The following ZNF429 variants were observed in gnomAD, a reference collection of about 807,000 sequenced individuals.
ZNF429 encodes zinc finger protein 429.
A neutral mutation model predicts 56.8 loss-of-function variants in ZNF429; 53 were observed. The observed-to-expected ratio is 0.93, with a 90% confidence interval of 0.75 to 1.17. The LOEUF is 1.17. Ranked by LOEUF, ZNF429 falls within the 50% of genes most tolerant of loss-of-function variation. The pLI, the probability that ZNF429 is intolerant of heterozygous loss-of-function variation, is 0.00. For synonymous variants in ZNF429, 278 were observed against 264.7 expected (o/e 1.05, Z -0.49); for missense variants, 849 against 788.4 (o/e 1.08, Z -0.92).
At chr19:21,529,563 C>T in intron 1 of ZNF429, 95 bp from the exon 2 acceptor site, 1 of 1,282,584 alleles carries the variant, frequency 7.8e-7, no homozygotes, top group Non-Finnish European at 1.0e-6. Flanking sequence ...TCTCTCATTT[C>T]ACCTTGAATT....
At chr19:21,519,881 T>TC (rs2032925293) in intron 1 of ZNF429, among the ~76,000 whole-genome samples, 1 of 151,436 alleles carries the variant, frequency 6.6e-6, no homozygotes, top group Non-Finnish European at 1.5e-5. Context: ...TTTTTTTTTT[T>TC]GAGACAGTTT....
At chr19:21,507,735 G>A (rs533899989) in intron 1 of ZNF429, 1 of 153,438 alleles carries the variant, frequency 6.5e-6, no homozygotes, top group Admixed American at 6.5e-5. Context: ...CCTGTGGTAT[G>A]GAGTGTAGCC....
In ZNF429 at chr19:21,538,791, CAG is replaced by C. The variant is rs1264825685; in HGVS notation, c.*718_*719del. The stretch of plus-strand genomic sequence containing the variant: ...TTAAAATCTGTTCACATCTTAACAA[CAG>C]AGAGTTGATACTTAATAAGAGCATT... On this transcript the variant is annotated 3_prime_UTR_variant, in exon 4 of 4. Coordinates refer to ENST00000358491, the MANE Select transcript of ZNF429 (RefSeq NM_001001415.4). The C allele has an allele frequency of 1.1e-4, 17 of 152,278 alleles. No homozygotes were observed. The highest frequency in any genetic ancestry group is 3.6e-4 in the African/African-American group (15 of 41,562). 9.4% of individuals were successfully genotyped at this position (152,278 alleles called of 1,614,324 possible). A position where few individuals can be genotyped will look rare whatever the true frequency, so the allele number is the denominator to read the frequency against.
chr19:21,524,059 A>G (rs1223750971), intron 1 of ZNF429, among the ~76,000 whole-genome samples: 9 of 152,198 alleles, frequency 5.9e-5, no homozygotes, highest in African/African-American at 2.2e-4. Context: ...ACATCTTTTG[A>G]GAGTGTGGCT....
intron 3 of ZNF429, among the ~76,000 whole-genome samples, chr19:21,531,115 AAAAAAAAAAAAAAACC>A: frequency 0.16 from 18,651 of 118,468 alleles, 1,636 homozygotes; most frequent in African/African-American, 0.18. Context: ...TCAAAAAAAA[AAAAAAAAAAAAAAACC>A]AAAAAAAAAA....
chr19:21,510,383 A>G (rs2032392865), intron 1 of ZNF429, among the ~76,000 whole-genome samples: 1 of 152,100 alleles, frequency 6.6e-6, no homozygotes, highest in African/African-American at 2.4e-5. Flanking sequence ...CTGATATGGA[A>G]GTACAGGAAA....
chr19:21,509,707 G>C (rs1467730206), intron 1 of ZNF429, among the ~76,000 whole-genome samples: 3 of 152,186 alleles, frequency 2.0e-5, no homozygotes, highest in African/African-American at 7.2e-5. Flanking sequence ...AGGTGGAAGG[G>C]AACTGGGAGG....
chr19:21,517,037 T>C, intron 1 of ZNF429, among the ~76,000 whole-genome samples: 1 of 152,236 alleles, frequency 6.6e-6, no homozygotes, highest in East Asian at 1.9e-4. Flanking sequence ...TAAGAAGAAA[T>C]GCTTCCAGCT....
At chr19:21,530,781 C>G in intron 3 of ZNF429, 97 bp downstream of exon 3, 2 of 934,918 alleles carry the variant, frequency 2.1e-6, no homozygotes, top group Non-Finnish European at 3.1e-6. Flanking sequence ...AGCTATGTTT[C>G]AAAGAAAATA....
rs755217521 is a variant in ZNF429 at position 21,529,765 on chromosome 19, C to G, written c.111C>G (p.Tyr37Ter). Residue 37 changes from tyrosine to a stop codon, truncating the protein, a stop_gained, in exon 2 of 4, where the codon TAC becomes TAG. Coordinates refer to ENST00000358491, the MANE Select transcript of ZNF429 (RefSeq NM_001001415.4). LOFTEE classifies it high-confidence loss of function. Reference protein sequence around the residue: ...NLYRNVMLENYRNLVFLGIAV... With the variant: ...NLYRNVMLEN ...ATAGAAATGTGATGTTAGAGAACTACAGAAACTTGGTCTTCCTGGGTGAGA... is the reference window on the plus strand; with the variant it reads ...ATAGAAATGTGATGTTAGAGAACTAGAGAAACTTGGTCTTCCTGGGTGAGA... 4 of 1,587,342 alleles carry G rather than the reference C, an allele frequency of 2.5e-6. No individual in the cohort carries two copies. The African/African-American group carries it at 5.4e-5, about 22-fold the overall frequency.
In ZNF429 at chr19:21,540,362, T is replaced by C. The variant is rs1231321806; in HGVS notation, c.*2284T>C. 6.6e-6 allele frequency among the ~76,000 whole-genome samples: 1 copy of C among 152,076 alleles called. No individual in the cohort carries two copies. Among genetic ancestry groups the C allele is most frequent in the Non-Finnish European group, 1.5e-5 (1 of 67,992 alleles). ...GATAAGTTAATATTGTTCCCATAGG[T>C]TAAATATTTATCCTTTTTTTGATAT... On this transcript the variant is annotated 3_prime_UTR_variant, in exon 4 of 4. Coordinates refer to ENST00000358491, the MANE Select transcript of ZNF429 (RefSeq NM_001001415.4).
chr19:21,531,890 A>T, intron 3 of ZNF429, among the ~76,000 whole-genome samples: 1 of 152,180 alleles, frequency 6.6e-6, no homozygotes, highest in Admixed American at 6.6e-5. Context: ...ACATTAAAAA[A>T]CCATAAACAG....
chr19:21,537,129 A>G lies in ZNF429; in HGVS notation c.1076A>G (p.His359Arg). 2 of 1,613,804 alleles carry G rather than the reference A, an allele frequency of 1.2e-6. No homozygotes were observed. Among genetic ancestry groups the G allele is most frequent in the Non-Finnish European group, 1.7e-6 (2 of 1,179,868 alleles). The change falls in exon 4 of 4, where the codon CAT becomes CGT. Residue 359 changes from histidine (H) to arginine (R), a missense_variant. By Grantham distance (29) the His-to-Arg change is conservative. Coordinates refer to ENST00000358491, the MANE Select transcript of ZNF429 (RefSeq NM_001001415.4). The stretch of plus-strand genomic sequence containing the variant: ...AACTGGTCTTCAACTCTTACTAAAC[A>G]TAAGGTAATTCATACTGGAGAGAAG... Reference protein sequence around the residue: ...AFNWSSTLTKHKVIHTGEKPY... With the variant: ...AFNWSSTLTKRKVIHTGEKPY...
intron 1 of ZNF429, among the ~76,000 whole-genome samples, chr19:21,506,928 C>G (rs1465374386): frequency 6.6e-6 from 1 of 151,896 alleles, no homozygotes; most frequent in Non-Finnish European, 1.5e-5. Flanking sequence ...ACCACCACGC[C>G]CGGCTAATTT....
chr19:21,517,942 C>T (rs7254975), intron 1 of ZNF429, among the ~76,000 whole-genome samples: 5,435 of 151,814 alleles, frequency 0.036, 315 homozygotes, highest in African/African-American at 0.12. Context: ...TACGGGCACC[C>T]GCCACCATGC....
rs185079425 is a variant in ZNF429, at chr19:21,538,842, A to G, written c.*764A>G. Among the ~76,000 whole-genome samples, 3 of 152,184 alleles carry G rather than the reference A, an allele frequency of 2.0e-5. No homozygotes were observed. The highest frequency in any genetic ancestry group is 4.4e-5 in the Non-Finnish European group (3 of 68,024). ...TTGTAAGTGCAATTACTGTCAAACA[A>G]TCTTGTAGAAAATATCATCCTTTAA... On this transcript the variant is annotated 3_prime_UTR_variant, in exon 4 of 4. Coordinates refer to ENST00000358491, the MANE Select transcript of ZNF429 (RefSeq NM_001001415.4).
At chr19:21,511,301 A>G (rs1000248485) in intron 1 of ZNF429, among the ~76,000 whole-genome samples, 5 of 150,898 alleles carry the variant, frequency 3.3e-5, no homozygotes, top group African/African-American at 1.2e-4. Context: ...CCGGGCGGAG[A>G]CGCTCCTCAC....
At chr19:21,511,457 G>A (rs1230256244) in intron 1 of ZNF429, among the ~76,000 whole-genome samples, 17 of 151,698 alleles carry the variant, frequency 1.1e-4, no homozygotes, top group Non-Finnish European at 1.6e-4. Context: ...GGGCAGAGGC[G>A]CTCCCCACAT....
chr19:21,537,671 G>A lies in ZNF429; in HGVS notation c.1618G>A (p.Glu540Lys), dbSNP rs757051580. The change falls in exon 4 of 4, where the codon GAA (glutamate) becomes AAA (lysine). Residue 540 changes from glutamate to lysine, a missense_variant. Physicochemically the swap from Glu to Lys is moderately conservative, Grantham distance 56. Coordinates refer to ENST00000358491, the MANE Select transcript of ZNF429 (RefSeq NM_001001415.4). ...IHTGEKPYKCEECGKAFNRSS... is the reference protein window; with the variant it reads ...IHTGEKPYKCKECGKAFNRSS... ...TACTGGAGAGAAACCTTACAAATGT[G>A]AAGAATGTGGCAAAGCTTTTAACCG... 13 of 1,612,150 alleles carry A rather than the reference G, an allele frequency of 8.1e-6. No individual in the cohort carries two copies. In the Admixed American group the frequency reaches 1.2e-4, roughly 15 times the overall value.
Sources: gnomAD v4.1 joint callset for allele counts (sites outside exome capture counted in the v4.1 genomes callset) on GRCh38, gnomAD v4.1.1 for gene constraint, MANE v1.5 for transcripts, NCBI Gene and HGNC (gene_info 2026-07-23, HGNC 2026-07-21) for gene names.